Variants in SLC19A1 observed in about 807,000 individuals in gnomAD.
SLC19A1 encodes solute carrier family 19 member 1.
In SLC19A1, 37 loss-of-function variants were observed where a neutral mutation model predicts 35.3. The ratio of observed to expected loss-of-function variants is 1.05; its 90% confidence interval spans 0.81 to 1.38. SLC19A1 has a LOEUF of 1.38. SLC19A1 is among the 40% of genes most tolerant of loss of function. The pLI is 0.00. For synonymous variants in SLC19A1, 460 were observed against 398.5 expected, an observed-to-expected ratio of 1.15 and a Z score of -1.84; for missense variants, 831 against 826.9, an observed-to-expected ratio of 1.00 and a Z score of -0.06.
In SLC19A1 at chr21:45,540,998, G is replaced by A. The variant is rs1283812569; in HGVS notation, c.-50+1370C>T. Among the ~76,000 whole-genome samples the A allele has an allele frequency of 1.3e-5, 2 of 150,676 alleles. No homozygotes were observed. Among genetic ancestry groups the A allele is most frequent in the Non-Finnish European group, 2.9e-5 (2 of 67,808 alleles). On this transcript the variant is annotated intron_variant, in intron 1 of 5. Transcript: ENST00000311124. The surrounding 1 kb of genome is among the most constrained non-coding windows in gnomAD (Gnocchi z 5.5). ...AAGGCTAACCAAGAATGTTCGTTAT[G>A]TTTTTTAGAACGCCTGCTAGTTTAA...
upstream of SLC19A1, among the ~76,000 whole-genome samples, chr21:45,546,830 G>A (rs1306220606): frequency 1.3e-5 from 2 of 152,162 alleles, no homozygotes; most frequent in East Asian, 3.9e-4. Flanking sequence ...TCCTGCGGTC[G>A]GAGGAGGTTT....
intron 1 of SLC19A1, among the ~76,000 whole-genome samples, chr21:45,556,097 C>T (rs544035174): frequency 6.6e-6 from 1 of 152,286 alleles, no homozygotes; most frequent in Admixed American, 6.5e-5. Context: ...GAAAGAGGGG[C>T]CTGAGCATCG....
rs1199201867 is a variant in SLC19A1 at position 45,531,804 on chromosome 21, G to A, written c.534C>T (p.Gly178=). The A allele has an allele frequency of 1.3e-6, 2 of 1,595,084 alleles. No individual in the cohort carries two copies. Among genetic ancestry groups the A allele is most frequent in the Non-Finnish European group, 1.7e-6 (2 of 1,171,314 alleles). The change falls in exon 3 of 6, where the codon GGC becomes GGT. Residue 178 remains glycine, a synonymous_variant. Transcript: ENST00000311124. ...SVLGQLLVTV[G]RVSFSTLNYI... ...AGTTGAGCGTGGAGAAGGAGACTCG[G>A]CCCACAGTGACCAGCAGCTGGCCCA... is the stretch of plus-strand genomic sequence containing the variant.
At chr21:45,551,084 C>G (rs1008356660) in intron 1 of SLC19A1, among the ~76,000 whole-genome samples, 1 of 151,610 alleles carries the variant, frequency 6.6e-6, no homozygotes, top group African/African-American at 2.4e-5. Flanking sequence ...TGGTTGCACT[C>G]TCTGTTCCTC....
downstream of SLC19A1, chr21:45,509,323 C>A: frequency 1.3e-6 from 2 of 1,538,914 alleles, no homozygotes; most frequent in Non-Finnish European, 1.7e-6. Context: ...GGAGGGTCCC[C>A]CCGCCGACAG....
intron 3 of SLC19A1, chr21:45,504,557 G>A: frequency 6.4e-7 from 1 of 1,568,530 alleles, no homozygotes; most frequent in Non-Finnish European, 8.6e-7. Context: ...TGGGATTCCA[G>A]TAAGTCCCAG....
downstream of SLC19A1, chr21:45,507,590 G>T: frequency 6.2e-7 from 1 of 1,613,088 alleles, no homozygotes; most frequent in Non-Finnish European, 8.5e-7. Context: ...TCCCACGAGG[G>T]ACGGTAAGGA....
chr21:45,540,483 GGA>G lies in SLC19A1; in HGVS notation c.-50+1883_-50+1884del, dbSNP rs2078269898. 6.6e-6 allele frequency among the ~76,000 whole-genome samples: 1 copy of G among 152,186 alleles called. No homozygotes were observed. The highest frequency in any genetic ancestry group is 2.4e-5 in the African/African-American group (1 of 41,444). ...GAAGCGACCAGAACATTCCTTCCTTGGAGAGACAGCCAGAGTCTCCGCCAGCA... is the reference window on the plus strand; with the variant it reads ...GAAGCGACCAGAACATTCCTTCCTTGGAGACAGCCAGAGTCTCCGCCAGCA... On this transcript the variant is annotated intron_variant, in intron 1 of 5. Transcript: ENST00000311124. This position sits in a 1 kb window ranked among gnomAD's most constrained non-coding sequence, Gnocchi z 5.5.
chr21:45,509,989 C>T (rs2037478890), downstream of SLC19A1: 7 of 1,492,004 alleles, frequency 4.7e-6, no homozygotes, highest in South Asian at 3.6e-5. Flanking sequence ...GGTGCGGGGC[C>T]GGGGTGGTGC....
At chr21:45,504,601 G>C in intron 3 of SLC19A1, 1 of 1,533,920 alleles carries the variant, frequency 6.5e-7, no homozygotes, top group Non-Finnish European at 8.8e-7. Context: ...CCAGGGGTCT[G>C]GGTGCAGGAG....
At chr21:45,538,392 C>T (rs1044343650) in intron 1 of SLC19A1, among the ~76,000 whole-genome samples, 4 of 152,226 alleles carry the variant, frequency 2.6e-5, no homozygotes, top group Non-Finnish European at 2.9e-5. Flanking sequence ...GTACCTGTGG[C>T]GGTCAGGGGG....
chr21:45,506,787 C>CCTAT (rs1568945926), intron 3 of SLC19A1: 3,549 of 55,628 alleles, frequency 0.064, 65 homozygotes, highest in African/African-American at 0.14. Flanking sequence ...CACCTTCCCT[C>CCTAT]TGGAGCCCTC....
chr21:45,504,068 C>T lies in SLC19A1; in HGVS notation c.498-5456G>A, dbSNP rs921277069. The T allele has an allele frequency of 6.2e-7, 1 of 1,613,428 alleles. No homozygotes were observed. On this transcript the variant is annotated intron_variant, in intron 3 of 4. Coordinates refer to the SLC19A1 transcript ENST00000417954. Reference sequence around the variant, plus strand: ...GCTGAAATGAAGGTGGGTGACCTCCCTGTGGGGTTGGGGGCCCCCAAGGTC... The same window carrying T: ...GCTGAAATGAAGGTGGGTGACCTCCTTGTGGGGTTGGGGGCCCCCAAGGTC...
At chr21:45,558,011 G>A (rs1025953998) in intron 1 of SLC19A1, among the ~76,000 whole-genome samples, 1 of 152,240 alleles carries the variant, frequency 6.6e-6, no homozygotes, top group African/African-American at 2.4e-5. Flanking sequence ...CCACCTATTT[G>A]GGGATATTTT....
Position 45,534,536 on chromosome 21 carries a change from A to C in SLC19A1, c.190-2388T>G. 6.5e-7 allele frequency: 1 copy of C among 1,535,236 alleles called. No homozygotes were observed. Among genetic ancestry groups the C allele is most frequent in the Non-Finnish European group, 8.7e-7 (1 of 1,146,558 alleles). ...GCCAGGGGTCCTAGAAGCCTCACCC[A>C]CCTCCGAATGAATGGAGCATGCCTC... On this transcript the variant is annotated intron_variant, in intron 2 of 5. Coordinates refer to ENST00000311124, the MANE Select transcript of SLC19A1 (RefSeq NM_194255.4). This position sits in a 1 kb window ranked among gnomAD's most constrained non-coding sequence, Gnocchi z 4.2.
chr21:45,526,261 A>G (rs2077616601), intron 4 of SLC19A1, among the ~76,000 whole-genome samples: 4 of 152,258 alleles, frequency 2.6e-5, no homozygotes, highest in African/African-American at 7.2e-5. Flanking sequence ...GGATTTGGGA[A>G]TATTCACATG....
downstream of SLC19A1, chr21:45,509,328 C>T (rs1259492081): frequency 2.2e-5 from 34 of 1,540,206 alleles, no homozygotes; most frequent in South Asian, 4.8e-5. Flanking sequence ...GTCCCCCCGC[C>T]GACAGGCCCC....
downstream of SLC19A1, chr21:45,510,283 G>A (rs2037501276): frequency 1.3e-6 from 2 of 1,583,514 alleles, no homozygotes; most frequent in South Asian, 1.1e-5. Context: ...CAGTCCTGAG[G>A]GCGCGGGCTC....
chr21:45,537,955 A>G lies in SLC19A1; in HGVS notation c.5T>C (p.Val2Ala), dbSNP rs769947133. M[V>A]PSSPAVEKQV... ...CTTCTCCACCGCTGGGCTGGAGGGC[A>G]CCATCCTGCTCAGGCCACGTGCAGC... The change falls in exon 2 of 6, where the codon GTG (valine) becomes GCG (alanine). Residue 2 changes from valine to alanine, a missense_variant. Coordinates refer to ENST00000311124, the MANE Select transcript of SLC19A1 (RefSeq NM_194255.4). 12 of 1,566,866 alleles carry G rather than the reference A, an allele frequency of 7.7e-6. No individual in the cohort carries two copies. The highest frequency in any genetic ancestry group is 8.6e-7 in the Non-Finnish European group (1 of 1,160,962).
Sources: allele counts gnomAD v4.1 joint callset (sites outside exome capture counted in the v4.1 genomes callset), GRCh38; gene constraint gnomAD v4.1.1; non-coding constraint Gnocchi (gnomAD v3.1); transcripts MANE v1.5; gene names NCBI Gene and HGNC (gene_info 2026-07-23, HGNC 2026-07-21).